The following RAPGEF6 variants were observed in gnomAD, a reference collection of about 807,000 sequenced individuals.
The protein encoded by RAPGEF6 is Rap guanine nucleotide exchange factor 6, also known as PDZ domain containing guanine nucleotide exchange factor (GEF) 2.
A neutral mutation model predicts 171.4 loss-of-function variants in RAPGEF6; 56 were observed. The observed-to-expected ratio is 0.33, with a 90% CI of 0.26 to 0.41. The LOEUF (loss-of-function observed/expected upper bound fraction) is 0.41, where lower values mean the gene tolerates loss of function less well. Among genes scored for constraint, RAPGEF6 ranks in the 10% least tolerant of loss-of-function variants. The probability of loss-of-function intolerance (pLI) is 1.00; values close to 1 mark genes in which losing one functional copy is unlikely to be tolerated. For missense variants in RAPGEF6, 1,674 were observed against 1,921.4 expected (o/e 0.87, Z 2.41); for synonymous variants, 692 against 650.1 (o/e 1.06, Z -0.98).
chr5:131,433,700 A>G (rs1250450385), intron 24 of RAPGEF6, 42 bp from the exon 25 acceptor site: 1 of 1,448,948 alleles, frequency 6.9e-7, no homozygotes, highest in Non-Finnish European at 9.7e-7. Context: ...AAAAAAAGGG[A>G]ACATATGGTG....
At chr5:131,473,942 G>C (rs568875330) in intron 16 of RAPGEF6, among the ~76,000 whole-genome samples, 1 of 152,284 alleles carries the variant, frequency 6.6e-6, no homozygotes, top group Non-Finnish European at 1.5e-5. Context: ...AGAAAGCAAA[G>C]ATTAGTGTTT....
At chr5:131,462,168 A>C (rs1374529185) in intron 18 of RAPGEF6, 80 bp from the exon 19 acceptor site, 1 of 1,151,846 alleles carries the variant, frequency 8.7e-7, no homozygotes, top group Non-Finnish European at 1.1e-6. Flanking sequence ...GTCGTTGTAA[A>C]ATATCATTTT....
intron 4 of RAPGEF6, among the ~76,000 whole-genome samples, chr5:131,574,391 C>T (rs1477537907): frequency 3.9e-5 from 6 of 152,164 alleles, no homozygotes; most frequent in Non-Finnish European, 7.3e-5. Context: ...TGCCGAGCTT[C>T]GGGTAACTCT....
At chr5:131,430,788 C>T in intron 26 of RAPGEF6, 71 bp downstream of exon 26, 2 of 1,570,670 alleles carry the variant, frequency 1.3e-6, no homozygotes, top group East Asian at 4.5e-5. Flanking sequence ...AAATCCAGGG[C>T]CAAGATATCC....
chr5:131,533,954 G>T (rs987305012), intron 6 of RAPGEF6, among the ~76,000 whole-genome samples: 1 of 151,996 alleles, frequency 6.6e-6, no homozygotes, highest in Non-Finnish European at 1.5e-5. Flanking sequence ...ACCCATCCTT[G>T]TTCTTCATGC....
chr5:131,588,419 C>A (rs1763388296), intron 4 of RAPGEF6, among the ~76,000 whole-genome samples: 1 of 152,174 alleles, frequency 6.6e-6, no homozygotes, highest in African/African-American at 2.4e-5. Flanking sequence ...GTTAGTATTG[C>A]CATGCCCACT....
chr5:131,567,436 T>A (rs1441891786), intron 4 of RAPGEF6, among the ~76,000 whole-genome samples: 7 of 152,230 alleles, frequency 4.6e-5, no homozygotes, highest in Non-Finnish European at 8.8e-5. Flanking sequence ...TTTAGCTGCA[T>A]CCCATAAATT....
intron 4 of RAPGEF6, among the ~76,000 whole-genome samples, chr5:131,562,663 T>C (rs995715635): frequency 1.3e-5 from 2 of 152,172 alleles, no homozygotes; most frequent in Non-Finnish European, 2.9e-5. Flanking sequence ...TTGAGATTTT[T>C]AATAATACCT....
chr5:131,439,105 T>TG (rs1437263599), intron 24 of RAPGEF6, among the ~76,000 whole-genome samples: 4 of 152,078 alleles, frequency 2.6e-5, no homozygotes, highest in Non-Finnish European at 4.4e-5. Flanking sequence ...TTTGTAGAGT[T>TG]GGGGTCTCAT....
intron 15 of RAPGEF6, 148 bp from the exon 16 acceptor site, chr5:131,479,901 G>A (rs536229911): frequency 4.6e-5 from 34 of 733,168 alleles, no homozygotes; most frequent in African/African-American, 3.2e-4. Context: ...GTATTTACCC[G>A]TCCTTTAGCA....
chr5:131,536,625 A>C (rs1759795840), intron 6 of RAPGEF6, among the ~76,000 whole-genome samples: 1 of 152,152 alleles, frequency 6.6e-6, no homozygotes, highest in South Asian at 2.1e-4. Context: ...AAAACCAAGA[A>C]GGAGAGAGAA....
In RAPGEF6 at chr5:131,507,002, G is replaced by C. The variant is rs140373384; in HGVS notation, c.942+1069C>G. On this transcript the variant is annotated intron_variant, in intron 9 of 27. Coordinates refer to ENST00000509018, the MANE Select transcript of RAPGEF6 (RefSeq NM_016340.6). Reference sequence around the variant, plus strand: ...GATACGGGGAGAAAATATGTAAACAGAGCCTAGAGACAGGGATCCTCAAAG... The same window carrying C: ...GATACGGGGAGAAAATATGTAAACACAGCCTAGAGACAGGGATCCTCAAAG... Among the ~76,000 whole-genome samples, 792 of 151,472 alleles carry C rather than the reference G, an allele frequency of 5.2e-3. 5 individuals carry two copies. The highest frequency in any genetic ancestry group is 0.018 in the African/African-American group (753 of 41,378).
intron 6 of RAPGEF6, among the ~76,000 whole-genome samples, chr5:131,543,653 A>G (rs938014909): frequency 1.3e-5 from 2 of 152,206 alleles, no homozygotes; most frequent in African/African-American, 4.8e-5. Context: ...TTTAGAGGTG[A>G]AGCACCGAAG....
At chr5:131,592,264 C>A in intron 4 of RAPGEF6, 119 bp downstream of exon 4, 1 of 1,449,546 alleles carries the variant, frequency 6.9e-7, no homozygotes, top group Non-Finnish European at 9.2e-7. Flanking sequence ...CAAGTATTTC[C>A]AATGGTGCCA....
chr5:131,506,506 A>G (rs1757379855), intron 9 of RAPGEF6, among the ~76,000 whole-genome samples: 2 of 152,244 alleles, frequency 1.3e-5, no homozygotes, highest in South Asian at 4.1e-4. Context: ...AAACCCTCTT[A>G]TAAGCCTGAA....
At chr5:131,608,356 A>G (rs1361839650) in intron 1 of RAPGEF6, among the ~76,000 whole-genome samples, 1 of 152,216 alleles carries the variant, frequency 6.6e-6, no homozygotes, top group Non-Finnish European at 1.5e-5. Context: ...CCCAGATGCC[A>G]GCCGCCAAAA....
At chr5:131,448,408 A>G (rs1249808048) in intron 21 of RAPGEF6, among the ~76,000 whole-genome samples, 1 of 152,204 alleles carries the variant, frequency 6.6e-6, no homozygotes, top group Non-Finnish European at 1.5e-5. Flanking sequence ...TCCTTCAATA[A>G]GCATAAAGTA....
chr5:131,585,367 A>G, intron 4 of RAPGEF6, among the ~76,000 whole-genome samples: 1 of 152,124 alleles, frequency 6.6e-6, no homozygotes, highest in East Asian at 1.9e-4. Context: ...AAAGCAAAGT[A>G]TCTTGAGCCT....
At chr5:131,603,688 C>CA (rs1764386149) in intron 2 of RAPGEF6, among the ~76,000 whole-genome samples, 1 of 151,808 alleles carries the variant, frequency 6.6e-6, no homozygotes, top group Admixed American at 6.6e-5. Flanking sequence ...CATGTACATA[C>CA]AAAAAAATTG....
Sources: gnomAD v4.1 joint callset for allele counts (sites outside exome capture counted in the v4.1 genomes callset) on GRCh38, gnomAD v4.1.1 for gene constraint, MANE v1.5 for transcripts, NCBI Gene and HGNC (gene_info 2026-07-23, HGNC 2026-07-21) for gene names.